DCLK2: variants seen among roughly 807,000 people sequenced by gnomAD.
The protein encoded by DCLK2 is serine/threonine-protein kinase DCLK2.
A neutral mutation model predicts 78.4 loss-of-function variants in DCLK2; 31 were observed. That is an observed-to-expected ratio of 0.40 (90% CI 0.30 to 0.53). The LOEUF is 0.53. Ranked by LOEUF, DCLK2 falls within the 20% of genes least tolerant of loss-of-function variation. DCLK2 has a pLI of 0.61. For missense variants in DCLK2, 872 were observed against 973.7 expected (o/e 0.90, Z 1.39); for synonymous variants, 407 against 374.9 (o/e 1.09, Z -0.99).
At chr4:150,132,030 A>G (rs4622980) in intron 2 of DCLK2, among the ~76,000 whole-genome samples, 35,486 of 152,118 alleles carry the variant, frequency 0.23, 4,557 homozygotes, top group African/African-American at 0.34. Context: ...GCACATCCAT[A>G]AAGGCAGCCC....
At chr4:150,253,200 ACT>A (rs1213391878) in intron 15 of DCLK2, 1 of 506,438 alleles carries the variant, frequency 2.0e-6, no homozygotes, top group Admixed American at 2.0e-5. Flanking sequence ...CCTCAAAATG[ACT>A]CTCCCTGGTA....
At chr4:150,159,541 G>A (rs940350679) in intron 2 of DCLK2, among the ~76,000 whole-genome samples, 3 of 152,234 alleles carry the variant, frequency 2.0e-5, no homozygotes, top group African/African-American at 4.8e-5. Flanking sequence ...TGTGGTGGGG[G>A]TGTAGTGAAA....
Position 150,079,439 on chromosome 4 carries a change from C to A in DCLK2, c.412C>A (p.Leu138Met). Residue 138 changes from leucine to methionine, a missense_variant, in exon 1 of 16, where the codon CTG becomes ATG. By Grantham distance (15) the Leu-to-Met change is conservative. This residue lies in a region of DCLK2 where 567 missense variants were observed against 593.4 expected (regional missense o/e 0.96). Coordinates refer to ENST00000296550, the MANE Select transcript of DCLK2 (RefSeq NM_001040260.4). ...GSRKVTSLDELLEGESYVCAS... is the reference protein window; with the variant it reads ...GSRKVTSLDEMLEGESYVCAS... ...CCGGAAGGTCACCAGCCTGGACGAG[C>A]TGCTGGAAGGTAGGAGGGGAGGGCG... 6.6e-7 allele frequency: 1 copy of A among 1,522,980 alleles called. No individual in the cohort carries two copies. The highest frequency in any genetic ancestry group is 8.8e-7 in the Non-Finnish European group (1 of 1,130,218). 94.3% of individuals were successfully genotyped at this position (1,522,980 alleles called of 1,614,324 possible).
At chr4:150,249,544 A>G (rs1560910278) in intron 14 of DCLK2, 24 bp from the exon 15 acceptor site, 2 of 1,596,376 alleles carry the variant, frequency 1.3e-6, no homozygotes, top group Non-Finnish European at 1.7e-6. Context: ...AAAGCATTGT[A>G]TTTGATTGTT....
At chr4:150,249,502 A>T in intron 14 of DCLK2, 66 bp from the exon 15 acceptor site, 1 of 1,423,500 alleles carries the variant, frequency 7.0e-7, no homozygotes, top group South Asian at 1.2e-5. Flanking sequence ...GGGGACTCTT[A>T]AGGAAAAGAC....
chr4:150,141,456 A>G (rs1295860628), intron 2 of DCLK2, among the ~76,000 whole-genome samples: 7 of 152,216 alleles, frequency 4.6e-5, no homozygotes, highest in Admixed American at 1.3e-4. Flanking sequence ...AAACAGAAGA[A>G]TAAGCACTTA....
rs766135558 is a variant in DCLK2, at chr4:150,249,699, G to C, written c.2073+15G>C. The C allele has an allele frequency of 1.0e-5, 16 of 1,605,776 alleles. 1 individual carries two copies. In the South Asian group the frequency reaches 1.6e-4, roughly 17 times the overall value. ...CCGTCATCATGGTGAGTGGAAGGCG[G>C]CAGGTCTGGCCTGACTGCGGAGCCG... On this transcript the variant is annotated intron_variant, in intron 15 of 15. Transcript: ENST00000296550.
At chr4:150,200,395 C>A (rs574915887) in intron 4 of DCLK2, among the ~76,000 whole-genome samples, 1 of 152,068 alleles carries the variant, frequency 6.6e-6, no homozygotes, top group Non-Finnish European at 1.5e-5. Flanking sequence ...AAAGTGTGTT[C>A]GACACTTTAG....
rs184837271 is a variant in DCLK2 at position 150,129,100 on chromosome 4, G to A, written c.756+26288G>A. The stretch of plus-strand genomic sequence containing the variant: ...TGTCTGTGAAGTGCAATTATATTTG[G>A]GAAAACCTGCTATTGCAGTATGAAA... On this transcript the variant is annotated intron_variant, in intron 2 of 15. Transcript: ENST00000296550. Among the ~76,000 whole-genome samples the A allele has an allele frequency of 2.4e-4, 36 of 152,048 alleles. 1 individual carries two copies. Among genetic ancestry groups the A allele is most frequent in the African/African-American group, 8.7e-4 (36 of 41,424 alleles).
At chr4:150,147,377 C>A (rs1438965836) in intron 2 of DCLK2, among the ~76,000 whole-genome samples, 1 of 152,132 alleles carries the variant, frequency 6.6e-6, no homozygotes, top group Non-Finnish European at 1.5e-5. Flanking sequence ...TATTTTCAGA[C>A]CCCTTTTGTA....
At chr4:150,254,452 G>A (rs556794591) in intron 15 of DCLK2, 31 of 398,700 alleles carry the variant, frequency 7.8e-5, no homozygotes, top group South Asian at 1.3e-4. Flanking sequence ...TGTACTAACC[G>A]CACTGCCAGC....
At chr4:150,177,010 C>T (rs1407518644) in intron 2 of DCLK2, among the ~76,000 whole-genome samples, 1 of 152,238 alleles carries the variant, frequency 6.6e-6, no homozygotes, top group African/African-American at 2.4e-5. Flanking sequence ...TAAGATGCTA[C>T]ATGCATACAG....
intron 2 of DCLK2, among the ~76,000 whole-genome samples, chr4:150,182,467 T>C (rs1004953370): frequency 6.6e-6 from 1 of 152,212 alleles, no homozygotes; most frequent in Non-Finnish European, 1.5e-5. Context: ...GTTGATTTTA[T>C]AGCCTTCAAG....
chr4:150,187,189 CAG>C (rs1738021496), intron 2 of DCLK2, among the ~76,000 whole-genome samples: 1 of 152,046 alleles, frequency 6.6e-6, no homozygotes, highest in South Asian at 2.1e-4. Context: ...ATTTTTGAGA[CAG>C]AGTCTTGCTG....
chr4:150,160,849 G>A (rs982474856), intron 2 of DCLK2, among the ~76,000 whole-genome samples: 9 of 152,170 alleles, frequency 5.9e-5, no homozygotes, highest in Non-Finnish European at 4.4e-5. Context: ...CTGCCCCAGT[G>A]CCTCCATGTT....
At position 150,085,828 on chromosome 4, in the gene DCLK2, T is replaced by C. The variant is rs138414645; in HGVS notation, c.421+6380T>C. Among the ~76,000 whole-genome samples, 450 of 152,362 alleles carry C rather than the reference T, an allele frequency of 3.0e-3. 4 individuals are homozygous for C. The highest frequency in any genetic ancestry group is 0.01 in the African/African-American group (430 of 41,590). On this transcript the variant is annotated intron_variant, in intron 1 of 15. Coordinates refer to ENST00000296550, the MANE Select transcript of DCLK2 (RefSeq NM_001040260.4). ...TCCAGAACTGTGAGAAATTGATTTCTGTTTATAAGTCACTCTGTTTTTTGT... is the reference window on the plus strand; with the variant it reads ...TCCAGAACTGTGAGAAATTGATTTCCGTTTATAAGTCACTCTGTTTTTTGT...
rs1744408980 is a variant in DCLK2, at chr4:150,254,292, T to G, written c.2074-1728T>G. The G allele has an allele frequency of 1.8e-5, 7 of 397,522 alleles. 1 individual carries two copies. In the South Asian group the frequency reaches 9.0e-4, roughly 51 times the overall value. 24.6% of individuals were successfully genotyped at this position (397,522 alleles called of 1,614,324 possible). ...GGGGGAAGTTGGGGAAGGATTTGGG[T>G]TTATTGCCTTAATTTAAGATAGACA... On this transcript the variant is annotated intron_variant, in intron 15 of 15. Coordinates refer to ENST00000296550, the MANE Select transcript of DCLK2 (RefSeq NM_001040260.4).
intron 5 of DCLK2, among the ~76,000 whole-genome samples, chr4:150,206,016 C>T (rs896557413): frequency 1.3e-5 from 2 of 152,174 alleles, no homozygotes; most frequent in Non-Finnish European, 2.9e-5. Flanking sequence ...TCCCAGCTCC[C>T]GTCTTCCTAG....
intron 15 of DCLK2, among the ~76,000 whole-genome samples, chr4:150,250,685 C>T (rs887198762): frequency 6.6e-6 from 1 of 151,696 alleles, no homozygotes; most frequent in Non-Finnish European, 1.5e-5. Context: ...AGCTCCGTCA[C>T]TCGTACTTGG....
Sources: allele counts gnomAD v4.1 joint callset (sites outside exome capture counted in the v4.1 genomes callset), GRCh38; gene constraint gnomAD v4.1.1; regional missense constraint gnomAD v4.1.1; transcripts MANE v1.5; gene names NCBI Gene and HGNC (gene_info 2026-07-23, HGNC 2026-07-21).